SVIL: variants seen among roughly 807,000 people sequenced by gnomAD.
The protein encoded by SVIL is archvillin.
SVIL carries 101 observed loss-of-function variants against 240.4 expected under a neutral mutation model. That is an observed-to-expected ratio of 0.42 (90% CI 0.36 to 0.50). The LOEUF is 0.50. Among genes scored for constraint, SVIL ranks in the 20% least tolerant of loss-of-function variants. The pLI is 0.01. For synonymous variants in SVIL, 999 were observed against 1,100.0 expected (o/e 0.91, Z 1.82); for missense variants, 2,512 against 2,818.7 (o/e 0.89, Z 2.46).
chr10:29,658,021 T>C (rs910312184), exon 3 of SVIL: 5 of 152,236 alleles, frequency 3.3e-5, no homozygotes, highest in African/African-American at 9.6e-5. Flanking sequence ...TTCAAAATCA[T>C]CATATCTCAG....
At chr10:29,717,051 A>G (rs1963656365) in intron 1 of SVIL, among the ~76,000 whole-genome samples, 1 of 152,016 alleles carries the variant, frequency 6.6e-6, no homozygotes. Context: ...AACATGGTGA[A>G]ACTCTGTCTA....
intron 2 of SVIL, among the ~76,000 whole-genome samples, chr10:29,567,215 G>T (rs1955046892): frequency 6.6e-6 from 1 of 152,074 alleles, no homozygotes; most frequent in Non-Finnish European, 1.5e-5. Flanking sequence ...TTAAATGCCT[G>T]CCCATAGCAG....
At chr10:29,592,217 A>C (rs1056135497) in intron 1 of SVIL, among the ~76,000 whole-genome samples, 1 of 152,184 alleles carries the variant, frequency 6.6e-6, no homozygotes, top group Non-Finnish European at 1.5e-5. Context: ...GTGCCACTGC[A>C]CTCCAGCCTG....
chr10:29,612,092 G>GAA (rs545659839), intron 1 of SVIL, among the ~76,000 whole-genome samples: 5 of 149,416 alleles, frequency 3.3e-5, no homozygotes, highest in East Asian at 2.0e-4. Flanking sequence ...GCTATCTCAG[G>GAA]AAAAAAAAAA....
intron 1 of SVIL, among the ~76,000 whole-genome samples, chr10:29,576,875 T>C (rs1371337641): frequency 6.6e-6 from 1 of 152,112 alleles, no homozygotes. Context: ...TTTTTAACAA[T>C]GCAAATGATT....
intron 17 of SVIL, among the ~76,000 whole-genome samples, chr10:29,506,679 ATGAGGGAGGGGACAGAGGCCCTAC>A (rs1489262087): frequency 5.3e-5 from 6 of 114,188 alleles, no homozygotes; most frequent in African/African-American, 1.9e-4. Flanking sequence ...CAGAGGCCCT[ATGAGGGAGGGGACAGAGGCCCTAC>A]GAGGGAGGGG....
Position 29,702,478 on chromosome 10 carries a change from G to A in SVIL, c.-399-15827C>T, listed in dbSNP as rs73596076. 8.4e-3 allele frequency among the ~76,000 whole-genome samples: 1,282 copies of A among 152,242 alleles called. 21 individuals carry two copies. The highest frequency in any genetic ancestry group is 0.03 in the African/African-American group (1,229 of 41,530). Reference sequence around the variant, plus strand: ...GCAGCCACGGGCTCTGTGTTTCTGAGCTCACTCAGCTACTCCCTGGATACT... The same window carrying A: ...GCAGCCACGGGCTCTGTGTTTCTGAACTCACTCAGCTACTCCCTGGATACT... On this transcript the variant is annotated intron_variant, in intron 1 of 35. Transcript: ENST00000375400.
chr10:29,642,799 T>G (rs1326266265), intron 3 of SVIL, among the ~76,000 whole-genome samples: 2 of 152,134 alleles, frequency 1.3e-5, no homozygotes, highest in Non-Finnish European at 2.9e-5. Context: ...TTCTCCTGCC[T>G]CAGCCTCCCA....
chr10:29,706,761 T>C (rs1046157651), intron 1 of SVIL, among the ~76,000 whole-genome samples: 3 of 152,318 alleles, frequency 2.0e-5, no homozygotes, highest in Non-Finnish European at 4.4e-5. Flanking sequence ...CTGGGGTTTT[T>C]ATAGTTTTGG....
chr10:29,462,499 C>T, intron 35 of SVIL, 98 bp from the exon 36 acceptor site: 3 of 1,495,460 alleles, frequency 2.0e-6, no homozygotes, highest in Non-Finnish European at 1.8e-6. Context: ...GAACTCATGA[C>T]TTCATGCTTA....
At chr10:29,492,155 C>T (rs1481858887) in intron 21 of SVIL, among the ~76,000 whole-genome samples, 4 of 152,102 alleles carry the variant, frequency 2.6e-5, no homozygotes, top group African/African-American at 9.7e-5. Context: ...GCACCCCCAT[C>T]GTGGCTCTAA....
At position 29,533,170 on chromosome 10, in the gene SVIL, C is replaced by T. The variant is rs1348972071; in HGVS notation, c.1197G>A (p.Gln399=). ...SECSWVASAT[Q]NVPKPPSLTV... is the part of the protein sequence containing the mutation. ...TCAAGCTGGGAGGTTTGGGGACATT[C>T]TGGGTGGCTGATGCTACCCAGCTAC... Residue 399 remains glutamine, a synonymous_variant, in exon 8 of 38, where the codon CAG becomes CAA. Transcript: ENST00000355867. 1 of 1,614,166 alleles carries T rather than the reference C, an allele frequency of 6.2e-7. No homozygotes were observed. The highest frequency in any genetic ancestry group is 1.7e-5 in the Admixed American group (1 of 60,030).
Position 29,499,198 on chromosome 10 carries a change from T to C in SVIL, c.3582A>G (p.Arg1194=), listed in dbSNP as rs1299776072. ...TGCCTCTCGTCTTCCAGGCCTCCTC[T>C]CTCACAGTGATGAGCTGCTTCCTCT... ...IEERKQLITV[R]EEAWKTRGRG... The change falls in exon 18 of 38, where the codon AGA becomes AGG. Residue 1194 remains arginine (R), a synonymous_variant. Transcript: ENST00000355867. The C allele has an allele frequency of 4.3e-6, 7 of 1,614,180 alleles. No homozygotes were observed. Among genetic ancestry groups the C allele is most frequent in the Non-Finnish European group, 5.9e-6 (7 of 1,180,022 alleles).
At chr10:29,674,357 G>A (rs188275587) in intron 2 of SVIL, among the ~76,000 whole-genome samples, 544 of 151,978 alleles carry the variant, frequency 3.6e-3, no homozygotes, top group Non-Finnish European at 6.2e-3. Flanking sequence ...GTTTCTTAGG[G>A]TTTTTCATGA....
chr10:29,696,298 G>C (rs997533238), intron 1 of SVIL, among the ~76,000 whole-genome samples: 1 of 152,038 alleles, frequency 6.6e-6, no homozygotes. Flanking sequence ...ATCTCGGCTC[G>C]CTATGGCCTC....
At chr10:29,711,912 A>G (rs186133522) in intron 1 of SVIL, 2 of 152,312 alleles carry the variant, frequency 1.3e-5, no homozygotes, top group African/African-American at 4.8e-5. Context: ...GGATTACAGT[A>G]CATGTACTAA....
intron 1 of SVIL, among the ~76,000 whole-genome samples, chr10:29,617,458 G>A (rs577350089): frequency 2.0e-4 from 30 of 152,166 alleles, no homozygotes; most frequent in Admixed American, 7.2e-4. Context: ...GTGCGCACCT[G>A]TAGTCCCAGC....
At chr10:29,585,205 G>A (rs1956116845) in intron 1 of SVIL, among the ~76,000 whole-genome samples, 1 of 151,804 alleles carries the variant, frequency 6.6e-6, no homozygotes, top group African/African-American at 2.4e-5. Context: ...ACCTCAGCTG[G>A]GACCACAGGT....
intron 1 of SVIL, among the ~76,000 whole-genome samples, chr10:29,579,433 G>A (rs555474152): frequency 1.1e-4 from 17 of 151,768 alleles, no homozygotes; most frequent in South Asian, 6.2e-4. Flanking sequence ...GCAAGACTCC[G>A]TCTCAAAAAA....
Sources: allele counts gnomAD v4.1 joint callset (sites outside exome capture counted in the v4.1 genomes callset), GRCh38; gene constraint gnomAD v4.1.1; transcripts MANE v1.5; gene names NCBI Gene and HGNC (gene_info 2026-07-23, HGNC 2026-07-21).